Variants in KCNC4 observed in about 807,000 individuals in gnomAD.
KCNC4 encodes voltage-gated potassium channel KCNC4.
In KCNC4, 23 loss-of-function variants were observed where a neutral mutation model predicts 42.8. The ratio of observed to expected loss-of-function variants is 0.54; its 90% CI spans 0.39 to 0.76. KCNC4 has a LOEUF of 0.76. Ranked by LOEUF, KCNC4 falls within the 30% of genes least tolerant of loss-of-function variation. KCNC4 has a pLI of 0.00. For missense variants in KCNC4, 751 were observed against 898.2 expected (o/e 0.84, Z 2.10); for synonymous variants, 422 against 393.5 (o/e 1.07, Z -0.86).
chr1:110,211,664 C>A lies in KCNC4; in HGVS notation c.165C>A (p.Arg55=), dbSNP rs753174150. 1.2e-6 allele frequency: 2 copies of A among 1,613,212 alleles called. No individual in the cohort carries two copies. The highest frequency in any genetic ancestry group is 1.7e-6 in the Non-Finnish European group (2 of 1,179,768). The stretch of plus-strand genomic sequence containing the variant: ...ATGAGACCTACCGCAGCACCCTGCG[C>A]ACCCTACCGGGAACCCGCCTCGCCT... ...TRHETYRSTL[R]TLPGTRLAWL... is the part of the protein sequence containing the mutation. Residue 55 remains arginine, a synonymous_variant, in exon 1 of 4, where the codon CGC becomes CGA. Transcript: ENST00000438661. This position sits in a 1 kb window ranked among gnomAD's most constrained non-coding sequence, Gnocchi z 6.5.
chr1:110,226,088 T>C lies in KCNC4; in HGVS notation c.1729T>C (p.Ser577Pro), dbSNP rs57855778. 1,185 of 1,613,828 alleles carry C rather than the reference T, an allele frequency of 7.3e-4. 10 individuals are homozygous for C. The highest frequency in any genetic ancestry group is 7.3e-3 in the African/African-American group (547 of 74,926). ...TPEERRALRR[S>P]TTRDRNKKAA... ...CGAGGAGCGCCGGGCCCTGCGACGC[T>C]CCACCACTCGAGACAGAAACAAGAA... The change falls in exon 3 of 4, where the codon TCC becomes CCC. Residue 577 changes from serine to proline, a missense_variant. Physicochemically the swap from Ser to Pro is moderately conservative, Grantham distance 74 (BLOSUM62 -1). This residue lies in a region of KCNC4 where 202 missense variants were observed against 181.5 expected (regional missense o/e 1.11). Transcript: ENST00000438661.
intron 3 of KCNC4, chr1:110,232,326 C>A: frequency 6.2e-7 from 1 of 1,610,634 alleles, no homozygotes; most frequent in Non-Finnish European, 8.5e-7. Flanking sequence ...GGGCTGGGCA[C>A]GACATGGCAT....
At chr1:110,222,474 T>A (rs1450268420) in intron 1 of KCNC4, 1 of 157,184 alleles carries the variant, frequency 6.4e-6, no homozygotes, top group East Asian at 1.8e-4. Flanking sequence ...CTAATGCTTC[T>A]GGTCCAGGAC....
In KCNC4 at chr1:110,278,453, A is replaced by G. The variant is rs571791748; in HGVS notation, n.31-4081A>G. Among the ~76,000 whole-genome samples the G allele has an allele frequency of 3.3e-5, 5 of 152,260 alleles. No individual in the cohort carries two copies. In the East Asian group the frequency reaches 5.8e-4, roughly 18 times the overall value. ...CATGGATGCTGCTGATCAGCCCCCA[A>G]TGCACAGGCTCTGTGTGCCCCAACA... is the stretch of plus-strand genomic sequence containing the variant. On this transcript the variant is annotated intron_variant and non_coding_transcript_variant, in intron 1 of 2. Coordinates refer to the KCNC4 transcript ENST00000412512.
chr1:110,224,617 C>T (rs1025605434), intron 2 of KCNC4: 5 of 152,170 alleles, frequency 3.3e-5, no homozygotes, highest in South Asian at 2.1e-4. Flanking sequence ...ATATCTGTGC[C>T]CTGGAAGGGG....
At chr1:110,227,524 A>G (rs488016) in intron 3 of KCNC4, among the ~76,000 whole-genome samples, 2,799 of 152,126 alleles carry the variant, frequency 0.018, 99 homozygotes, top group African/African-American at 0.063. Flanking sequence ...GGGTGCTCAG[A>G]CCTCTACCCT....
intron 3 of KCNC4, among the ~76,000 whole-genome samples, chr1:110,229,392 G>C (rs942039892): frequency 6.6e-5 from 10 of 152,148 alleles, no homozygotes; most frequent in African/African-American, 2.4e-4. Context: ...GGCGAGGGAG[G>C]CCCTTCCCTC....
At chr1:110,264,203 G>C (rs1365892240) in intron 1 of KCNC4, among the ~76,000 whole-genome samples, 4 of 152,120 alleles carry the variant, frequency 2.6e-5, no homozygotes, top group African/African-American at 9.7e-5. Context: ...AGTTTTTGAA[G>C]GCAAGGAGAC....
In KCNC4 at chr1:110,258,890, T is replaced by C. The variant is rs992926459; in HGVS notation, n.31-23644T>C. Among the ~76,000 whole-genome samples, 11 of 152,186 alleles carry C rather than the reference T, an allele frequency of 7.2e-5. 1 individual carries two copies. The highest frequency in any genetic ancestry group is 6.8e-3 in the Middle Eastern group (2 of 294). On this transcript the variant is annotated intron_variant and non_coding_transcript_variant, in intron 1 of 2. Transcript: ENST00000412512. The stretch of plus-strand genomic sequence containing the variant: ...TCAGCCTCCCCTCCTCCTGCTCCCA[T>C]CTCCTCTTGTCTGGGAGTACCTCCC...
chr1:110,274,531 C>G (rs1659685263), intron 1 of KCNC4, among the ~76,000 whole-genome samples: 1 of 152,100 alleles, frequency 6.6e-6, no homozygotes, highest in African/African-American at 2.4e-5. Flanking sequence ...TCATATGAGA[C>G]CTAAAAAGAG....
At chr1:110,227,500 A>C (rs1658460458) in intron 3 of KCNC4, among the ~76,000 whole-genome samples, 1 of 152,192 alleles carries the variant, frequency 6.6e-6, no homozygotes, top group African/African-American at 2.4e-5. Flanking sequence ...CCCCAGCAAA[A>C]GGCAGCAGAT....
chr1:110,237,635 T>G (rs1458851935), downstream of KCNC4: 1 of 152,230 alleles, frequency 6.6e-6, no homozygotes, highest in African/African-American at 2.4e-5. Context: ...ATCCTAAGAC[T>G]TTCTGACTCA....
chr1:110,231,798 G>A (rs1438291877), intron 3 of KCNC4, among the ~76,000 whole-genome samples: 3 of 151,914 alleles, frequency 2.0e-5, no homozygotes, highest in African/African-American at 7.3e-5. Context: ...CAAAGGGGCA[G>A]TGTTTAAGGA....
intron 1 of KCNC4, among the ~76,000 whole-genome samples, chr1:110,268,571 A>G (rs1261805174): frequency 2.2e-5 from 3 of 138,084 alleles, no homozygotes; most frequent in African/African-American, 8.1e-5. Context: ...GCGCCACTGC[A>G]CTCCAGCCTG....
chr1:110,258,752 A>G (rs910331775), intron 1 of KCNC4, among the ~76,000 whole-genome samples: 1 of 152,224 alleles, frequency 6.6e-6, no homozygotes, highest in Non-Finnish European at 1.5e-5. Context: ...AATTCTGTTC[A>G]GCTTGAATGA....
chr1:110,229,809 G>T (rs973522797), intron 3 of KCNC4, among the ~76,000 whole-genome samples: 7 of 152,172 alleles, frequency 4.6e-5, no homozygotes, highest in African/African-American at 1.7e-4. Context: ...ACAGCCTGAG[G>T]AACAAGGTTG....
At chr1:110,265,046 A>G (rs1659513234) in intron 1 of KCNC4, among the ~76,000 whole-genome samples, 1 of 148,008 alleles carries the variant, frequency 6.8e-6, no homozygotes, top group African/African-American at 2.5e-5. Flanking sequence ...GTGCCACTGC[A>G]CTCCAGCCTG....
chr1:110,225,951 C>A (rs1200325331), intron 2 of KCNC4, 24 bp from the exon 3 acceptor site: 1 of 1,556,036 alleles, frequency 6.4e-7, no homozygotes, highest in East Asian at 2.3e-5. Context: ...CTCATGCAGC[C>A]TCCTTTCTGT....
Position 110,211,368 on chromosome 1 carries a change from G to A in KCNC4, c.-132G>A. ...GGGGGATAGGCAGGGGCAAGCCCAA[G>A]CCGCAGAGGGGGCCGCCACCGCCTC... On this transcript the variant is annotated 5_prime_UTR_variant, in exon 1 of 4. Coordinates refer to ENST00000438661, the MANE Select transcript of KCNC4 (RefSeq NM_001039574.3). The surrounding 1 kb of genome is among the most constrained non-coding windows in gnomAD (Gnocchi z 6.5). The A allele has an allele frequency of 7.4e-7, 1 of 1,358,344 alleles. No individual in the cohort carries two copies. Among genetic ancestry groups the A allele is most frequent in the South Asian group, 1.5e-5 (1 of 68,382 alleles). 84.1% of individuals were successfully genotyped at this position (1,358,344 alleles called of 1,614,324 possible). A position where few individuals can be genotyped will look rare whatever the true frequency, so the allele number is the denominator to read the frequency against.
Sources: gnomAD v4.1 joint callset for allele counts (sites outside exome capture counted in the v4.1 genomes callset) on GRCh38, gnomAD v4.1.1 for gene constraint, gnomAD v4.1.1 regional missense constraint, Gnocchi (gnomAD v3.1) non-coding constraint, MANE v1.5 for transcripts, NCBI Gene and HGNC (gene_info 2026-07-23, HGNC 2026-07-21) for gene names.